The following SFXN5 variants were observed in gnomAD, a reference collection of about 807,000 sequenced individuals.
SFXN5 encodes sideroflexin-5.
A neutral mutation model predicts 50.2 loss-of-function variants in SFXN5; 43 were observed. The observed-to-expected ratio is 0.86, with a 90% confidence interval of 0.67 to 1.11. The LOEUF (loss-of-function observed/expected upper bound fraction) is 1.11. Ranked by LOEUF, SFXN5 falls within the 50% of genes least tolerant of loss-of-function variation. The pLI, the probability that SFXN5 is intolerant of heterozygous loss-of-function variation, is 0.00. For missense variants in SFXN5, 463 were observed against 454.1 expected (o/e 1.02, Z -0.18); for synonymous variants, 203 against 185.8 (o/e 1.09, Z -0.75).
chr2:73,065,543 C>T (rs1460050511), intron 1 of SFXN5, among the ~76,000 whole-genome samples: 1 of 152,144 alleles, frequency 6.6e-6, no homozygotes, highest in African/African-American at 2.4e-5. Context: ...GGATTATAGG[C>T]GCCTGCCACC....
At position 72,982,367 on chromosome 2, in the gene SFXN5, A is replaced by T. The variant is rs565867044; in HGVS notation, c.625+5891T>A. Reference sequence around the variant, plus strand: ...AGAGCACTCCAAAACAACTTTAAAAAGTGGAAAAGGTCCAGAATAAATGTC... The same window carrying T: ...AGAGCACTCCAAAACAACTTTAAAATGTGGAAAAGGTCCAGAATAAATGTC... On this transcript the variant is annotated intron_variant, in intron 10 of 13. Transcript: ENST00000272433. Among the ~76,000 whole-genome samples, 1,119 of 152,360 alleles carry T rather than the reference A, an allele frequency of 7.3e-3. 11 individuals carry two copies. Among genetic ancestry groups the T allele is most frequent in the Non-Finnish European group, 8.5e-3 (576 of 68,036 alleles).
At chr2:73,032,635 A>C (rs1205358560) in intron 3 of SFXN5, among the ~76,000 whole-genome samples, 1 of 152,146 alleles carries the variant, frequency 6.6e-6, no homozygotes, top group African/African-American at 2.4e-5. Context: ...ACCCAGAGGG[A>C]GGAGGAACAG....
At position 72,944,816 on chromosome 2, in the gene SFXN5, TTGTACGAAATG is replaced by T; in HGVS notation, c.*195_*205del. ...CCCAGAAATGCACTTGATTATTTTT[TTGTACGAAATG>T]TGTTAGAACTCCTCTTGCCTATGTT... On this transcript the variant is annotated 3_prime_UTR_variant, in exon 14 of 14. Coordinates refer to ENST00000272433, the MANE Select transcript of SFXN5 (RefSeq NM_144579.3). 1.9e-6 allele frequency: 1 copy of T among 529,626 alleles called. No homozygotes were observed. Among genetic ancestry groups the T allele is most frequent in the South Asian group, 2.8e-5 (1 of 35,820 alleles). The allele number at this position is 529,626 out of a possible 1,614,324, so 32.8% of individuals were successfully genotyped here. A position where few individuals can be genotyped will look rare whatever the true frequency, so the allele number is the denominator to read the frequency against.
chr2:72,973,249 C>T lies in SFXN5; in HGVS notation c.626-1564G>A, dbSNP rs1670238276. On this transcript the variant is annotated intron_variant, in intron 10 of 13. Coordinates refer to ENST00000272433, the MANE Select transcript of SFXN5 (RefSeq NM_144579.3). This position sits in a 1 kb window ranked among gnomAD's most constrained non-coding sequence, Gnocchi z 5.5. ...CATCTCTCCTGCTTCCACCGACGCT[C>T]AGTGCAGTGGAAACCATGGGCAGTC... The T allele has an allele frequency of 6.0e-6, 1 of 165,884 alleles. No individual in the cohort carries two copies. Among genetic ancestry groups the T allele is most frequent in the African/African-American group, 2.4e-5 (1 of 41,498 alleles). The allele number at this position is 165,884 out of a possible 1,614,324, so 10.3% of individuals were successfully genotyped here.
chr2:72,988,181 G>A (rs1672135369), intron 10 of SFXN5, 77 bp downstream of exon 10: 1 of 1,358,844 alleles, frequency 7.4e-7, no homozygotes, highest in African/African-American at 1.5e-5. Context: ...GTGTGGAAGG[G>A]TCATCTGTCT....
intron 6 of SFXN5, chr2:73,019,869 T>C (rs1676642566): frequency 5.3e-6 from 1 of 188,884 alleles, no homozygotes. Flanking sequence ...TGAAAATTCT[T>C]TCTGAATTAA....
At chr2:73,069,395 T>C (rs1683411811) in intron 1 of SFXN5, among the ~76,000 whole-genome samples, 1 of 151,722 alleles carries the variant, frequency 6.6e-6, no homozygotes, top group East Asian at 1.9e-4. Flanking sequence ...ATTTAAAGGG[T>C]GAGGGAGAAG....
At chr2:72,980,340 A>C (rs902561820) in intron 10 of SFXN5, among the ~76,000 whole-genome samples, 1 of 152,158 alleles carries the variant, frequency 6.6e-6, no homozygotes, top group Admixed American at 6.5e-5. Flanking sequence ...GCATATTACC[A>C]CCTTTACACA....
At chr2:72,972,898 T>C (rs1402998846) in intron 10 of SFXN5, among the ~76,000 whole-genome samples, 1 of 152,198 alleles carries the variant, frequency 6.6e-6, no homozygotes, top group Non-Finnish European at 1.5e-5. Context: ...CACCTGCTGC[T>C]TCCCCCTCCT....
intron 12 of SFXN5, among the ~76,000 whole-genome samples, chr2:72,964,334 C>T (rs1179472663): frequency 2.0e-5 from 3 of 152,362 alleles, no homozygotes; most frequent in South Asian, 2.1e-4. Flanking sequence ...GCCTCCTCAG[C>T]GGAAGCCCTG....
intron 10 of SFXN5, among the ~76,000 whole-genome samples, chr2:72,985,689 A>C (rs901256356): frequency 1.3e-5 from 2 of 152,170 alleles, no homozygotes; most frequent in Admixed American, 6.5e-5. Flanking sequence ...GCAAGCAAGG[A>C]CTGTCAGGGC....
intron 1 of SFXN5, chr2:73,059,917 A>G (rs1198206823): frequency 2.1e-6 from 2 of 959,050 alleles, no homozygotes; most frequent in African/African-American, 3.5e-5. Flanking sequence ...TTCTTTACAA[A>G]GGTGGATGGT....
chr2:73,000,023 A>G (rs1673709063), intron 8 of SFXN5, among the ~76,000 whole-genome samples: 1 of 152,132 alleles, frequency 6.6e-6, no homozygotes, highest in Admixed American at 6.5e-5. Context: ...GGGACCTGGG[A>G]GCGCTAAGGC....
At chr2:72,983,235 G>C (rs1671529235) in intron 10 of SFXN5, among the ~76,000 whole-genome samples, 1 of 152,190 alleles carries the variant, frequency 6.6e-6, no homozygotes, top group Admixed American at 6.5e-5. Flanking sequence ...GGACGTCAGG[G>C]AACAGGTTTG....
At chr2:72,963,819 C>A (rs934883024) in intron 12 of SFXN5, among the ~76,000 whole-genome samples, 2 of 152,156 alleles carry the variant, frequency 1.3e-5, no homozygotes, top group Non-Finnish European at 2.9e-5. Context: ...TGTGATCCCA[C>A]CCCTGGGCCT....
intron 1 of SFXN5, chr2:73,058,994 A>G: frequency 1.1e-6 from 1 of 928,812 alleles, no homozygotes; most frequent in South Asian, 4.6e-5. Flanking sequence ...TGAGTGACAA[A>G]GCATCCTGCC....
At chr2:73,041,455 G>C (rs954561757) in intron 2 of SFXN5, among the ~76,000 whole-genome samples, 1 of 152,118 alleles carries the variant, frequency 6.6e-6, no homozygotes, top group Non-Finnish European at 1.5e-5. Flanking sequence ...ACTTTTGGAG[G>C]CTGAGGCGGG....
intron 9 of SFXN5, among the ~76,000 whole-genome samples, chr2:72,989,369 GTCTCAGTTTACCTA>G (rs1672298102): frequency 6.6e-6 from 1 of 152,130 alleles, no homozygotes; most frequent in Admixed American, 6.5e-5. Context: ...ATCTTTCTCT[GTCTCAGTTTACCTA>G]TCTGTAAAAA....
At chr2:72,952,421 C>A (rs999997737) in intron 13 of SFXN5, among the ~76,000 whole-genome samples, 2 of 152,224 alleles carry the variant, frequency 1.3e-5, no homozygotes, top group Non-Finnish European at 2.9e-5. Context: ...TAGTCCCCTG[C>A]CCCACCCCAC....
Sources: allele counts gnomAD v4.1 joint callset (sites outside exome capture counted in the v4.1 genomes callset), GRCh38; gene constraint gnomAD v4.1.1; non-coding constraint Gnocchi (gnomAD v3.1); transcripts MANE v1.5; gene names NCBI Gene and HGNC (gene_info 2026-07-23, HGNC 2026-07-21).